TRAPPC9: variants seen among roughly 807,000 people sequenced by gnomAD.
The protein encoded by TRAPPC9 is trafficking protein particle complex subunit 9.
In TRAPPC9, 83 loss-of-function variants were observed where a neutral mutation model predicts 124.0. The observed-to-expected ratio is 0.67, with a 90% CI of 0.56 to 0.80. The LOEUF (loss-of-function observed/expected upper bound fraction) is 0.80, where lower values mean the gene tolerates loss of function less well. TRAPPC9 is among the 30% of genes least tolerant of loss of function. The pLI, the probability that TRAPPC9 is intolerant of heterozygous loss-of-function variation, is 0.00. For missense variants in TRAPPC9, 1,302 were observed against 1,508.3 expected, an observed-to-expected ratio of 0.86 and a Z score of 2.27; for synonymous variants, 638 against 617.5, an observed-to-expected ratio of 1.03 and a Z score of -0.49.
chr8:140,174,444 G>A (rs971236433), intron 17 of TRAPPC9, among the ~76,000 whole-genome samples: 7 of 152,204 alleles, frequency 4.6e-5, no homozygotes, highest in African/African-American at 1.7e-4. Context: ...CTTTGGAAAC[G>A]GTATACAACT....
chr8:140,048,400 C>A (rs541182741), intron 17 of TRAPPC9, among the ~76,000 whole-genome samples: 1 of 152,128 alleles, frequency 6.6e-6, no homozygotes, highest in African/African-American at 2.4e-5. Flanking sequence ...AAGGGCCCAC[C>A]TCTTGGGAGG....
At chr8:139,927,118 A>AC (rs1832862988) in intron 19 of TRAPPC9, among the ~76,000 whole-genome samples, 1 of 152,262 alleles carries the variant, frequency 6.6e-6, no homozygotes, top group African/African-American at 2.4e-5. Context: ...ACAATGGGAA[A>AC]CACCCATACT....
intron 20 of TRAPPC9, among the ~76,000 whole-genome samples, chr8:139,906,498 C>T (rs1030029567): frequency 2.0e-5 from 3 of 152,080 alleles, no homozygotes; most frequent in Non-Finnish European, 2.9e-5. Context: ...AACAAGGAGG[C>T]TACTGAGTTT....
chr8:140,120,622 G>GTCCAACA (rs2060966923), intron 17 of TRAPPC9, among the ~76,000 whole-genome samples: 1 of 107,540 alleles, frequency 9.3e-6, no homozygotes, highest in Non-Finnish European at 1.8e-5. Context: ...CCATCCATCC[G>GTCCAACA]TCCAACATCC....
chr8:140,202,244 T>C lies in TRAPPC9; in HGVS notation c.2556+19215A>G, dbSNP rs1457123453. Among the ~76,000 whole-genome samples the C allele has an allele frequency of 6.0e-5, 9 of 149,914 alleles. No homozygotes were observed. In the East Asian group the frequency reaches 1.8e-3, roughly 29 times the overall value. ...GGCATGAGAGCCAACTTAAGAAAGCTCTCTTTGGCCAAATTATGACAAGTG... is the reference window on the plus strand; with the variant it reads ...GGCATGAGAGCCAACTTAAGAAAGCCCTCTTTGGCCAAATTATGACAAGTG... On this transcript the variant is annotated intron_variant, in intron 17 of 22. Coordinates refer to ENST00000438773, the MANE Select transcript of TRAPPC9 (RefSeq NM_001160372.4).
chr8:140,360,219 C>CA (rs1302713097), intron 8 of TRAPPC9, 26 bp from the exon 9 acceptor site: 1 of 1,614,002 alleles, frequency 6.2e-7, no homozygotes, highest in African/African-American at 1.3e-5. Context: ...CAAAACATCA[C>CA]AAAAGTGCTT....
intron 17 of TRAPPC9, among the ~76,000 whole-genome samples, chr8:140,046,633 G>A (rs1041840307): frequency 6.6e-5 from 10 of 152,220 alleles, no homozygotes; most frequent in African/African-American, 2.2e-4. Context: ...TGGTGGACAT[G>A]AGCCCTGCTA....
intron 16 of TRAPPC9, among the ~76,000 whole-genome samples, chr8:140,251,914 T>C (rs1407557460): frequency 6.6e-6 from 1 of 152,186 alleles, no homozygotes; most frequent in Non-Finnish European, 1.5e-5. Flanking sequence ...TAAATCTTGG[T>C]TGTTTAAGCT....
At chr8:140,160,786 A>C (rs982833896) in intron 17 of TRAPPC9, among the ~76,000 whole-genome samples, 8 of 152,060 alleles carry the variant, frequency 5.3e-5, no homozygotes, top group African/African-American at 1.2e-4. Flanking sequence ...CTAGAACTTA[A>C]AGTATAATAA....
At chr8:139,910,324 C>A in intron 19 of TRAPPC9, 24 bp from the exon 20 acceptor site, 2 of 1,614,044 alleles carry the variant, frequency 1.2e-6, no homozygotes, top group Non-Finnish European at 1.7e-6. Context: ...GAAAACACAG[C>A]AGAGAATTCA....
intron 19 of TRAPPC9, among the ~76,000 whole-genome samples, chr8:139,939,518 C>G (rs1041964270): frequency 6.6e-6 from 1 of 152,060 alleles, no homozygotes; most frequent in Admixed American, 6.5e-5. Context: ...ATTCCCAGGG[C>G]AGGATCTGCT....
At chr8:139,910,124 A>C in intron 20 of TRAPPC9, 23 bp downstream of exon 20, 1 of 1,613,922 alleles carries the variant, frequency 6.2e-7, no homozygotes, top group Non-Finnish European at 8.5e-7. Flanking sequence ...CCCCAGGCCC[A>C]GGTGGCCCCT....
intron 18 of TRAPPC9, among the ~76,000 whole-genome samples, chr8:140,001,484 AAGC>A (rs1838401434): frequency 6.6e-6 from 1 of 152,186 alleles, no homozygotes; most frequent in Non-Finnish European, 1.5e-5. Flanking sequence ...ATTAAAATGA[AAGC>A]AGACAAATAG....
At chr8:140,250,651 T>C (rs1350154555) in intron 16 of TRAPPC9, among the ~76,000 whole-genome samples, 2 of 152,146 alleles carry the variant, frequency 1.3e-5, no homozygotes, top group African/African-American at 4.8e-5. Context: ...GTGCCTACCT[T>C]TTCCTCCATA....
chr8:139,749,669 G>A (rs1819185936), intron 21 of TRAPPC9, among the ~76,000 whole-genome samples: 1 of 152,298 alleles, frequency 6.6e-6, no homozygotes, highest in East Asian at 1.9e-4. Context: ...GACAGCCAAA[G>A]CTTCACATAG....
At chr8:140,143,952 A>C (rs766248762) in intron 17 of TRAPPC9, among the ~76,000 whole-genome samples, 6 of 152,236 alleles carry the variant, frequency 3.9e-5, no homozygotes, top group Non-Finnish European at 8.8e-5. Context: ...GAATAAAACA[A>C]AGATGCTTCC....
At chr8:139,897,886 G>A (rs1019147230) in intron 20 of TRAPPC9, among the ~76,000 whole-genome samples, 1 of 152,250 alleles carries the variant, frequency 6.6e-6, no homozygotes, top group African/African-American at 2.4e-5. Flanking sequence ...AGACTTTTGG[G>A]TGCTGTGGAA....
chr8:139,922,472 G>A lies in TRAPPC9; in HGVS notation c.2811-12172C>T, dbSNP rs141089922. ...GCTGGGATTACAGGCGTGAGCCACC[G>A]CTCCTGGCCTGAAATGGGTTTTGTC... On this transcript the variant is annotated intron_variant, in intron 19 of 22. Coordinates refer to ENST00000438773, the MANE Select transcript of TRAPPC9 (RefSeq NM_001160372.4). Among the ~76,000 whole-genome samples the A allele has an allele frequency of 1.2e-4, 19 of 152,346 alleles. No homozygotes were observed. The East Asian group carries it at 3.3e-3, about 26-fold the overall frequency.
intron 17 of TRAPPC9, among the ~76,000 whole-genome samples, chr8:140,094,047 T>C (rs1360276296): frequency 6.6e-6 from 1 of 152,152 alleles, no homozygotes; most frequent in East Asian, 1.9e-4. Context: ...GAGGAGGTCA[T>C]GAGAGCACAC....
Sources: gnomAD v4.1 joint callset for allele counts (sites outside exome capture counted in the v4.1 genomes callset) on GRCh38, gnomAD v4.1.1 for gene constraint, MANE v1.5 for transcripts, NCBI Gene and HGNC (gene_info 2026-07-23, HGNC 2026-07-21) for gene names.